HSDL1: variants seen among roughly 807,000 people sequenced by gnomAD.
HSDL1 encodes inactive hydroxysteroid dehydrogenase-like protein 1.
A neutral mutation model predicts 31.5 loss-of-function variants in HSDL1; 29 were observed. The observed-to-expected ratio is 0.92, with a 90% CI of 0.69 to 1.26. HSDL1 has a LOEUF of 1.26. Ranked by LOEUF, HSDL1 falls within the 50% of genes most tolerant of loss-of-function variation. The pLI, the probability that HSDL1 is intolerant of heterozygous loss-of-function variation, is 0.00. For synonymous variants in HSDL1, 222 were observed against 155.2 expected, an observed-to-expected ratio of 1.43 and a Z score of -3.20; for missense variants, 503 against 416.6, an observed-to-expected ratio of 1.21 and a Z score of -1.81.
At chr16:84,135,924 G>A (rs1022494447) in intron 1 of HSDL1, among the ~76,000 whole-genome samples, 1 of 152,152 alleles carries the variant, frequency 6.6e-6, no homozygotes, top group Non-Finnish European at 1.5e-5. Flanking sequence ...CCAATCCCAG[G>A]AGCCCTTGGG....
chr16:84,124,953 C>A lies in HSDL1; in HGVS notation c.895-225G>T, dbSNP rs2151183425. On this transcript the variant is annotated intron_variant, in intron 5 of 5. Transcript: ENST00000219439. Reference sequence around the variant, plus strand: ...TCACAACAAATACCCACCAATCAATCATAACAAATACCCACCAATCACAAT... The same window carrying A: ...TCACAACAAATACCCACCAATCAATAATAACAAATACCCACCAATCACAAT... 6 of 367,178 alleles carry A rather than the reference C, an allele frequency of 1.6e-5. No homozygotes were observed. In the South Asian group the frequency reaches 2.1e-4, roughly 13 times the overall value. 22.7% of individuals were successfully genotyped at this position (367,178 alleles called of 1,614,324 possible). A position where few individuals can be genotyped will look rare whatever the true frequency, so the allele number is the denominator to read the frequency against.
chr16:84,129,873 A>G, intron 4 of HSDL1, 98 bp from the exon 5 acceptor site: 1 of 1,402,506 alleles, frequency 7.1e-7, no homozygotes, highest in Non-Finnish European at 9.8e-7. Flanking sequence ...AGGAAAAAAT[A>G]CAGGATAAGC....
intron 1 of HSDL1, among the ~76,000 whole-genome samples, chr16:84,140,862 G>T (rs2086760376): frequency 1.3e-5 from 2 of 152,072 alleles, no homozygotes; most frequent in Non-Finnish European, 2.9e-5. Flanking sequence ...CCAGCACTTT[G>T]GGAGGCCGAG....
chr16:84,142,014 G>A (rs374780672), intron 1 of HSDL1, among the ~76,000 whole-genome samples: 4 of 151,688 alleles, frequency 2.6e-5, no homozygotes, highest in Admixed American at 6.6e-5. Context: ...TGCAACCTCC[G>A]CCTTCCGGGC....
chr16:84,124,735 A>G lies in HSDL1; in HGVS notation c.895-7T>C, dbSNP rs755879755. On this transcript the variant is annotated splice_polypyrimidine_tract_variant and splice_region_variant and intron_variant, in intron 5 of 5. Coordinates refer to ENST00000219439, the MANE Select transcript of HSDL1 (RefSeq NM_031463.5). ...TATACTGTGCAAAAAGAAACTAAAA[A>G]TGAAAGAGAAAAAGGTTGTAAGGTT... The G allele has an allele frequency of 5.6e-6, 9 of 1,602,556 alleles. No individual in the cohort carries two copies. The South Asian group carries it at 8.8e-5, about 16-fold the overall frequency.
Position 84,122,416 on chromosome 16 carries a change from G to A in HSDL1, c.*2214C>T, listed in dbSNP as rs1413107096. On this transcript the variant is annotated 3_prime_UTR_variant, in exon 6 of 6. Transcript: ENST00000219439. The stretch of plus-strand genomic sequence containing the variant: ...CTCTGTCTCAAGGCTGGAGTGCAGT[G>A]GCACGATCTTGGCTCACTTCAACCT... 2.0e-5 allele frequency: 3 copies of A among 151,246 alleles called. No individual in the cohort carries two copies. Among genetic ancestry groups the A allele is most frequent in the African/African-American group, 7.3e-5 (3 of 40,878 alleles). 9.4% of individuals were successfully genotyped at this position (151,246 alleles called of 1,614,324 possible).
chr16:84,143,549 T>C (rs909024932), intron 1 of HSDL1, among the ~76,000 whole-genome samples: 5 of 152,152 alleles, frequency 3.3e-5, no homozygotes, highest in East Asian at 1.9e-4. Flanking sequence ...ATTGTGACTA[T>C]AGCAAGAACT....
intron 5 of HSDL1, among the ~76,000 whole-genome samples, chr16:84,127,101 T>TA (rs1267513459): frequency 2.0e-5 from 3 of 151,850 alleles, no homozygotes; most frequent in Admixed American, 6.6e-5. Flanking sequence ...TCTTTATTTC[T>TA]AAAAAAATTT....
At chr16:84,141,405 C>T (rs1318699183) in intron 1 of HSDL1, among the ~76,000 whole-genome samples, 1 of 152,088 alleles carries the variant, frequency 6.6e-6, no homozygotes, top group East Asian at 1.9e-4. Context: ...CACCACGATT[C>T]ACAGGTCCCC....
intron 1 of HSDL1, among the ~76,000 whole-genome samples, chr16:84,136,700 C>G (rs1461693832): frequency 6.6e-6 from 1 of 152,264 alleles, no homozygotes; most frequent in African/African-American, 2.4e-5. Flanking sequence ...TCAACGCCCC[C>G]ACTAGACACC....
chr16:84,137,264 C>A (rs535994325), intron 1 of HSDL1, among the ~76,000 whole-genome samples: 49 of 152,314 alleles, frequency 3.2e-4, no homozygotes, highest in Admixed American at 5.2e-4. Flanking sequence ...CTGGCCCGGG[C>A]CCATGGAGAA....
rs76473549 is a variant in HSDL1, at chr16:84,131,068, C to A, written c.220+34G>T. On this transcript the variant is annotated intron_variant, in intron 3 of 5. Coordinates refer to ENST00000219439, the MANE Select transcript of HSDL1 (RefSeq NM_031463.5). ...TCCTTGAATAATGCATCCGACTTCA[C>A]AGAAAAGATTATTTTGATTATAAAG... 552 of 1,530,814 alleles carry A rather than the reference C, an allele frequency of 3.6e-4. No individual in the cohort carries two copies. In the African/African-American group the frequency reaches 6.2e-3, roughly 17 times the overall value. The allele number at this position is 1,530,814 out of a possible 1,614,324, so 94.8% of individuals were successfully genotyped here. A position where few individuals can be genotyped will look rare whatever the true frequency, so the allele number is the denominator to read the frequency against.
chr16:84,141,964 A>G (rs987706209), intron 1 of HSDL1, among the ~76,000 whole-genome samples: 1 of 152,150 alleles, frequency 6.6e-6, no homozygotes, highest in Non-Finnish European at 1.5e-5. Context: ...GTCTGGCTCT[A>G]TTGCCCAGCC....
At chr16:84,129,811 C>A in intron 4 of HSDL1, 36 bp from the exon 5 acceptor site, 1 of 1,539,718 alleles carries the variant, frequency 6.5e-7, no homozygotes, top group Non-Finnish European at 8.9e-7. Flanking sequence ...ACTTTTAATT[C>A]TGGGTGAACT....
At position 84,130,019 on chromosome 16, in the gene HSDL1, G is replaced by A. The variant is rs1308402684; in HGVS notation, c.633C>T (p.Pro211=). The change falls in exon 4 of 6, where the codon CCC becomes CCT. Residue 211 remains proline (P), a synonymous_variant. Coordinates refer to ENST00000219439, the MANE Select transcript of HSDL1 (RefSeq NM_031463.5). Reference sequence around the variant, plus strand: ...CAGAAAATGCAGCCAGCTGAGGAGTGGGTTTGCAGCAGGAGCCAGAAGAGA... The same window carrying A: ...CAGAAAATGCAGCCAGCTGAGGAGTAGGTTTGCAGCAGGAGCCAGAAGAGA... ...VTISSGSCCK[P]TPQLAAFSAS... The A allele has an allele frequency of 6.2e-6, 10 of 1,613,926 alleles. No individual in the cohort carries two copies. The Admixed American group carries it at 8.3e-5, about 13-fold the overall frequency.
rs905086780 is a variant in HSDL1 at position 84,123,924 on chromosome 16, G to A, written c.*706C>T. ...ATCATTCATGGCAAACCAACAGCATGAAATTTGGTAGGCTTATTTAGGATG... is the reference window on the plus strand; with the variant it reads ...ATCATTCATGGCAAACCAACAGCATAAAATTTGGTAGGCTTATTTAGGATG... On this transcript the variant is annotated 3_prime_UTR_variant, in exon 6 of 6. Coordinates refer to ENST00000219439, the MANE Select transcript of HSDL1 (RefSeq NM_031463.5). 6.6e-6 allele frequency: 1 copy of A among 152,190 alleles called. No individual in the cohort carries two copies. Among genetic ancestry groups the A allele is most frequent in the African/African-American group, 2.4e-5 (1 of 41,434 alleles). The allele number at this position is 152,190 out of a possible 1,614,324, so 9.4% of individuals were successfully genotyped here.
intron 2 of HSDL1, among the ~76,000 whole-genome samples, chr16:84,131,760 G>T (rs886686683): frequency 5.3e-5 from 8 of 150,918 alleles, no homozygotes; most frequent in Admixed American, 2.6e-4. Flanking sequence ...CTCACTGCAG[G>T]CTCCGCCCCC....
intron 2 of HSDL1, among the ~76,000 whole-genome samples, chr16:84,134,040 C>T (rs1443740739): frequency 6.6e-6 from 1 of 152,170 alleles, no homozygotes; most frequent in African/African-American, 2.4e-5. Context: ...ATCTTCCGTA[C>T]AGCAGTCACC....
At position 84,124,562 on chromosome 16, in the gene HSDL1, G is replaced by C; in HGVS notation, c.*68C>G. 2 of 955,454 alleles carry C rather than the reference G, an allele frequency of 2.1e-6. No individual in the cohort carries two copies. The highest frequency in any genetic ancestry group is 3.4e-6 in the Non-Finnish European group (2 of 585,192). The allele number at this position is 955,454 out of a possible 1,614,324, so 59.2% of individuals were successfully genotyped here. On this transcript the variant is annotated 3_prime_UTR_variant, in exon 6 of 6. Transcript: ENST00000219439. ...GAAACACAGGAGATAAATTAAATGT[G>C]TTTTTCCAAATGTCAGAATATCGAG...
Sources: gnomAD v4.1 joint callset for allele counts (sites outside exome capture counted in the v4.1 genomes callset) on GRCh38, gnomAD v4.1.1 for gene constraint, MANE v1.5 for transcripts, NCBI Gene and HGNC (gene_info 2026-07-23, HGNC 2026-07-21) for gene names.